The following RASSF3 variants were observed in gnomAD, a reference collection of about 807,000 sequenced individuals.
The protein encoded by RASSF3 is Ras association domain family member 3, also known as ras association domain-containing protein 3.
RASSF3 carries 19 observed loss-of-function variants against 19.9 expected under a neutral mutation model. The ratio of observed to expected loss-of-function variants is 0.96; its 90% CI spans 0.67 to 1.40. RASSF3 has a LOEUF of 1.40. RASSF3 is among the 40% of genes most tolerant of loss of function. The pLI, the probability that RASSF3 is intolerant of heterozygous loss-of-function variation, is 0.00. For synonymous variants in RASSF3, 110 were observed against 104.2 expected (o/e 1.06, Z -0.34); for missense variants, 306 against 289.8 (o/e 1.06, Z -0.41).
chr12:64,541,772 A>G (rs1054417336), downstream of RASSF3: 18 of 397,682 alleles, frequency 4.5e-5, no homozygotes, highest in Admixed American at 5.3e-4. Context: ...ACCCCATAGA[A>G]TGGTCTTTTT....
upstream of RASSF3, among the ~76,000 whole-genome samples, chr12:64,610,072 C>G (rs1457085965): frequency 6.6e-6 from 1 of 152,098 alleles, no homozygotes; most frequent in Non-Finnish European, 1.5e-5. Context: ...CAACCCCCAC[C>G]CACCCCTACA....
chr12:64,676,144 G>C (rs1202858686), intron 1 of RASSF3, among the ~76,000 whole-genome samples: 1 of 149,128 alleles, frequency 6.7e-6, no homozygotes, highest in Non-Finnish European at 1.5e-5. Context: ...CAACTGTTCT[G>C]ATTCTTTCCT....
intron 1 of RASSF3, among the ~76,000 whole-genome samples, chr12:64,645,317 T>C (rs1265968050): frequency 6.6e-6 from 1 of 152,208 alleles, no homozygotes; most frequent in Non-Finnish European, 1.5e-5. Flanking sequence ...GGTTCTATTA[T>C]CACCCTCATT....
At chr12:64,569,513 G>A (rs1051402279) in intron 2 of RASSF3, among the ~76,000 whole-genome samples, 1 of 152,180 alleles carries the variant, frequency 6.6e-6, no homozygotes, top group East Asian at 1.9e-4. Flanking sequence ...GTTCCTCCCA[G>A]CTCCATCTCC....
rs762822586 is a variant in RASSF3, at chr12:64,689,791, C to CTTT, written c.457+1349_457+1351dup. 3.4e-4 allele frequency among the ~76,000 whole-genome samples: 33 copies of CTTT among 96,562 alleles called. 3 individuals carry two copies. The highest frequency in any genetic ancestry group is 1.9e-4 in the African/African-American group (5 of 25,646). 63.3% of individuals were successfully genotyped at this position (96,562 alleles called of 152,430 possible). A position where few individuals can be genotyped will look rare whatever the true frequency, so the allele number is the denominator to read the frequency against. ...GTTTGTAGCTGCTAATTCGCTAATT[C>CTTT]TTTTTTTTTTTTTGAGACGGAGTCT... On this transcript the variant is annotated intron_variant, in intron 3 of 4. Transcript: ENST00000542104.
intron 1 of RASSF3, among the ~76,000 whole-genome samples, chr12:64,684,085 ATTTT>A (rs1206268046): frequency 3.9e-5 from 5 of 127,288 alleles, no homozygotes; most frequent in Admixed American, 1.6e-4. Flanking sequence ...TGTGGTTGTA[ATTTT>A]TTTTTTTTTT....
chr12:64,640,124 CT>C (rs917821297), intron 1 of RASSF3, among the ~76,000 whole-genome samples: 1 of 152,212 alleles, frequency 6.6e-6, no homozygotes, highest in African/African-American at 2.4e-5. Context: ...GACCATGTTA[CT>C]TTTATTTTAA....
At chr12:64,588,168 C>T (rs560540769) in intron 2 of RASSF3, among the ~76,000 whole-genome samples, 1 of 152,270 alleles carries the variant, frequency 6.6e-6, no homozygotes, top group Non-Finnish European at 1.5e-5. Flanking sequence ...TCTCCACCTA[C>T]TTGGCTTAAG....
chr12:64,556,309 A>T (rs954815404), intron 2 of RASSF3, among the ~76,000 whole-genome samples: 34 of 152,078 alleles, frequency 2.2e-4, no homozygotes, highest in African/African-American at 7.7e-4. Flanking sequence ...CATGCACACC[A>T]CACCCAGCTA....
At chr12:64,630,388 T>C (rs183954833) in intron 1 of RASSF3, among the ~76,000 whole-genome samples, 18 of 152,034 alleles carry the variant, frequency 1.2e-4, no homozygotes, top group Admixed American at 9.8e-4. Context: ...TATCCAAATA[T>C]GGTGGTTTGT....
chr12:64,605,754 G>A (rs924955590), upstream of RASSF3, among the ~76,000 whole-genome samples: 1 of 152,066 alleles, frequency 6.6e-6, no homozygotes, highest in Non-Finnish European at 1.5e-5. Flanking sequence ...CCAGGGTAGT[G>A]GCGCATGCCT....
chr12:64,672,164 A>G (rs1375361088), intron 1 of RASSF3, among the ~76,000 whole-genome samples: 1 of 152,130 alleles, frequency 6.6e-6, no homozygotes, highest in Non-Finnish European at 1.5e-5. Context: ...CACCCCAAGC[A>G]TTTATCATTT....
intron 1 of RASSF3, among the ~76,000 whole-genome samples, chr12:64,672,527 A>G (rs904832663): frequency 1.3e-5 from 2 of 151,742 alleles, no homozygotes; most frequent in Non-Finnish European, 2.9e-5. Flanking sequence ...CACCCAGCCT[A>G]TTATTTATTT....
chr12:64,642,474 C>T (rs530132104), intron 1 of RASSF3, among the ~76,000 whole-genome samples: 2 of 138,864 alleles, frequency 1.4e-5, no homozygotes, highest in East Asian at 2.4e-4. Flanking sequence ...GCAGGAGAAT[C>T]GCTTGAATCC....
intron 1 of RASSF3, among the ~76,000 whole-genome samples, chr12:64,674,463 C>A (rs1345921894): frequency 6.6e-6 from 1 of 152,156 alleles, no homozygotes; most frequent in Non-Finnish European, 1.5e-5. Flanking sequence ...TGCCTGTAAT[C>A]CCAACACTTT....
rs1249858069 is a variant in RASSF3, at chr12:64,662,652, G to T, written c.112-22135G>T. On this transcript the variant is annotated intron_variant, in intron 1 of 4. Transcript: ENST00000542104. Reference sequence around the variant, plus strand: ...GCAAGAAGTAAATAAAGCTTCCATGGTCTCTGCGTGTGTATATGTGTGTTG... The same window carrying T: ...GCAAGAAGTAAATAAAGCTTCCATGTTCTCTGCGTGTGTATATGTGTGTTG... 3.3e-5 allele frequency among the ~76,000 whole-genome samples: 5 copies of T among 152,194 alleles called. 1 individual carries two copies. The highest frequency in any genetic ancestry group is 3.3e-4 in the Admixed American group (5 of 15,276).
Position 64,610,726 on chromosome 12 carries a change from C to A in RASSF3, c.94C>A (p.Pro32Thr), listed in dbSNP as rs1333168530. 6.3e-7 allele frequency: 1 copy of A among 1,589,340 alleles called. No homozygotes were observed. The highest frequency in any genetic ancestry group is 8.6e-7 in the Non-Finnish European group (1 of 1,169,560). ...CTTCAGGAGAGCGCCCCAGGGCAAG[C>A]CCCGCTCCGGCCAACAAGTGAGTGG... is the stretch of plus-strand genomic sequence containing the variant. The part of the protein sequence containing the change: ...SFFRRAPQGK[P>T]RSGQQDVEKE... The change falls in exon 1 of 5, where the codon CCC becomes ACC. Residue 32 changes from proline to threonine, a missense_variant. By Grantham distance (38) the Pro-to-Thr change is conservative. Transcript: ENST00000542104.
intron 2 of RASSF3, among the ~76,000 whole-genome samples, chr12:64,685,626 T>G (rs560148996): frequency 1.3e-5 from 2 of 152,210 alleles, no homozygotes; most frequent in Admixed American, 6.5e-5. Context: ...TATAATAGGA[T>G]AGTTTTCTCT....
chr12:64,598,431 AT>A (rs1870031300), intron 2 of RASSF3, among the ~76,000 whole-genome samples: 1 of 152,242 alleles, frequency 6.6e-6, no homozygotes, highest in African/African-American at 2.4e-5. Context: ...TGCTATGCAT[AT>A]AATAAGATCT....
Sources: allele counts gnomAD v4.1 joint callset (sites outside exome capture counted in the v4.1 genomes callset), GRCh38; gene constraint gnomAD v4.1.1; transcripts MANE v1.5; gene names NCBI Gene and HGNC (gene_info 2026-07-23, HGNC 2026-07-21).